Variants in LSAMP observed in about 807,000 individuals in gnomAD.
LSAMP encodes the protein limbic system associated membrane protein, also known as limbic system-associated membrane protein.
LSAMP carries 7 observed loss-of-function variants against 38.6 expected under a neutral mutation model. The observed-to-expected ratio is 0.18, with a 90% CI of 0.10 to 0.34. LSAMP has a LOEUF of 0.34. Among genes scored for constraint, LSAMP ranks in the 10% least tolerant of loss-of-function variants. LSAMP has a pLI of 1.00. For synonymous variants in LSAMP, 154 were observed against 166.8 expected, an observed-to-expected ratio of 0.92 and a Z score of 0.59; for missense variants, 313 against 420.0, an observed-to-expected ratio of 0.75 and a Z score of 2.23.
chr3:116,047,663 A>G (rs917653702), intron 2 of LSAMP, among the ~76,000 whole-genome samples: 9 of 152,080 alleles, frequency 5.9e-5, no homozygotes, highest in African/African-American at 2.2e-4. Context: ...GAAATCTTCC[A>G]TATTCTAGGG....
intron 3 of LSAMP, among the ~76,000 whole-genome samples, chr3:116,006,683 C>G (rs1022850997): frequency 6.6e-6 from 1 of 152,116 alleles, no homozygotes; most frequent in African/African-American, 2.4e-5. Context: ...ATAATCACCC[C>G]CTGCCGACTT....
rs188268775 is a variant in LSAMP, at chr3:115,998,276, G to C, written c.514+21239C>G. 2.6e-5 allele frequency among the ~76,000 whole-genome samples: 4 copies of C among 152,060 alleles called. No homozygotes were observed. The East Asian group carries it at 5.8e-4, about 22-fold the overall frequency. On this transcript the variant is annotated intron_variant, in intron 3 of 6. Coordinates refer to ENST00000490035, the MANE Select transcript of LSAMP (RefSeq NM_002338.5). The stretch of plus-strand genomic sequence containing the variant: ...TGGAAGTCACTGGGGGGTTTTAACT[G>C]GGGTAAGGGGTAAATATGATCTGAT...
intron 3 of LSAMP, among the ~76,000 whole-genome samples, chr3:115,882,808 C>A (rs1023527153): frequency 1.3e-5 from 2 of 152,020 alleles, no homozygotes; most frequent in African/African-American, 4.8e-5. Context: ...GACTCCTATA[C>A]CTGTTTTTAT....
intron 1 of LSAMP, among the ~76,000 whole-genome samples, chr3:116,330,156 C>T (rs1269673137): frequency 6.6e-6 from 1 of 152,142 alleles, no homozygotes; most frequent in East Asian, 1.9e-4. Context: ...ACAACAATTG[C>T]TCTGGCAGAA....
intron 1 of LSAMP, among the ~76,000 whole-genome samples, chr3:116,213,261 T>C (rs2046183327): frequency 1.3e-5 from 2 of 152,184 alleles, no homozygotes; most frequent in South Asian, 2.1e-4. Context: ...AGGAGGAACA[T>C]AGTGGGAGGT....
chr3:115,839,309 C>G lies in LSAMP; in HGVS notation c.919+2536G>C, dbSNP rs2918244. On this transcript the variant is annotated intron_variant, in intron 6 of 6. Transcript: ENST00000490035. ...TCCTTCCTTCCTTCCTTCCTTCCTT[C>G]CTTCCTTCCTTTTTTCCTTGCTTTT... Among the ~76,000 whole-genome samples the G allele has an allele frequency of 7.7e-3, 979 of 126,804 alleles. 64 individuals are homozygous for G. The East Asian group carries it at 0.16, about 20-fold the overall frequency. The allele number at this position is 126,804 out of a possible 152,430, so 83.2% of individuals were successfully genotyped here. A position where few individuals can be genotyped will look rare whatever the true frequency, so the allele number is the denominator to read the frequency against.
At chr3:116,057,957 C>CCCACA (rs1553699980) in intron 2 of LSAMP, among the ~76,000 whole-genome samples, 2 of 117,482 alleles carry the variant, frequency 1.7e-5, no homozygotes, top group Non-Finnish European at 2.0e-5. Context: ...ACACACACAC[C>CCCACA]CACACACACA....
chr3:116,162,246 A>G (rs1056204034), intron 1 of LSAMP, among the ~76,000 whole-genome samples: 3 of 152,154 alleles, frequency 2.0e-5, no homozygotes, highest in African/African-American at 7.2e-5. Flanking sequence ...TAGAAATTCT[A>G]TGTTTGGCAG....
chr3:116,368,876 T>C (rs1221599452), intron 1 of LSAMP, among the ~76,000 whole-genome samples: 1 of 152,182 alleles, frequency 6.6e-6, no homozygotes, highest in African/African-American at 2.4e-5. Flanking sequence ...TTTTAAAAGA[T>C]GGAATATAAA....
At chr3:115,911,683 T>TA (rs1937139768) in intron 3 of LSAMP, among the ~76,000 whole-genome samples, 1 of 152,220 alleles carries the variant, frequency 6.6e-6, no homozygotes, top group Admixed American at 6.5e-5. Context: ...CTCTCATTTA[T>TA]TTGAGACAAA....
In LSAMP at chr3:116,391,743, G is replaced by A. The variant is rs576659281; in HGVS notation, c.155+53134C>T. Among the ~76,000 whole-genome samples the A allele has an allele frequency of 2.8e-4, 43 of 152,306 alleles. No homozygotes were observed. In the South Asian group the frequency reaches 4.8e-3, roughly 17 times the overall value. ...CGGCTGGAGCATGGGGGCTGAGCCC[G>A]GGGTGAGAAATGGGAGCAGTGACTG... On this transcript the variant is annotated intron_variant, in intron 1 of 6. Coordinates refer to ENST00000490035, the MANE Select transcript of LSAMP (RefSeq NM_002338.5).
intron 3 of LSAMP, among the ~76,000 whole-genome samples, chr3:115,891,769 T>C (rs1936606184): frequency 6.6e-6 from 1 of 151,940 alleles, no homozygotes; most frequent in African/African-American, 2.4e-5. Context: ...GGATTAGAGT[T>C]GTTGCCTCCC....
chr3:116,145,973 T>G (rs909147160), intron 1 of LSAMP, among the ~76,000 whole-genome samples: 2 of 151,990 alleles, frequency 1.3e-5, no homozygotes, highest in African/African-American at 4.8e-5. Flanking sequence ...TAATCTTTAT[T>G]GCTACATTGT....
chr3:116,397,367 T>C (rs2107820990), intron 1 of LSAMP, among the ~76,000 whole-genome samples: 1 of 137,862 alleles, frequency 7.3e-6, no homozygotes, highest in Non-Finnish European at 1.5e-5. Context: ...TCCCTCAGCC[T>C]ACCCTATTTA....
At chr3:116,131,030 G>C (rs193094791) in intron 1 of LSAMP, among the ~76,000 whole-genome samples, 1 of 130,880 alleles carries the variant, frequency 7.6e-6, no homozygotes, top group Non-Finnish European at 1.5e-5. Flanking sequence ...TTGATCTGTC[G>C]CCCAGGCTGG....
chr3:115,924,758 G>A (rs1053460055), intron 3 of LSAMP, among the ~76,000 whole-genome samples: 2 of 152,030 alleles, frequency 1.3e-5, no homozygotes, highest in East Asian at 1.9e-4. Flanking sequence ...AATAAATGTC[G>A]GGTCAAATTG....
At chr3:115,972,665 TA>T (rs1939055186) in intron 3 of LSAMP, among the ~76,000 whole-genome samples, 24 of 151,278 alleles carry the variant, frequency 1.6e-4, no homozygotes, top group Admixed American at 1.6e-3. Context: ...ATATTTGAAT[TA>T]AGGTTAAGAA....
intron 1 of LSAMP, among the ~76,000 whole-genome samples, chr3:116,257,021 C>T (rs1473829941): frequency 2.0e-5 from 3 of 152,194 alleles, no homozygotes; most frequent in African/African-American, 7.2e-5. Context: ...GGAGGCACTT[C>T]TGGGCAAGAC....
chr3:116,431,340 T>TA (rs956552946), intron 1 of LSAMP, among the ~76,000 whole-genome samples: 17 of 152,022 alleles, frequency 1.1e-4, no homozygotes, highest in African/African-American at 3.6e-4. Flanking sequence ...TTTGCTCATT[T>TA]AAAAAAAATC....
Sources: gnomAD v4.1 joint callset for allele counts (sites outside exome capture counted in the v4.1 genomes callset) on GRCh38, gnomAD v4.1.1 for gene constraint, MANE v1.5 for transcripts, NCBI Gene and HGNC (gene_info 2026-07-23, HGNC 2026-07-21) for gene names.